Variants in LRIG1 observed in about 807,000 individuals in gnomAD.
LRIG1 encodes leucine rich repeats and immunoglobulin like domains 1.
A neutral mutation model predicts 99.2 loss-of-function variants in LRIG1; 48 were observed. That is an observed-to-expected ratio of 0.48 (90% CI 0.38 to 0.62). The LOEUF is 0.62. Ranked by LOEUF, LRIG1 falls within the 20% of genes least tolerant of loss-of-function variation. LRIG1 has a pLI of 0.00. For synonymous variants in LRIG1, 772 were observed against 596.1 expected, an observed-to-expected ratio of 1.29 and a Z score of -4.30; for missense variants, 1,646 against 1,434.4, an observed-to-expected ratio of 1.15 and a Z score of -2.38.
chr3:66,382,497 C>T (rs565807239), intron 15 of LRIG1, 99 bp from the exon 16 acceptor site: 1,764 of 1,357,396 alleles, frequency 1.3e-3, no homozygotes, highest in Non-Finnish European at 1.7e-3. Context: ...CTCCCAGTGA[C>T]GACCATCAGC....
At chr3:66,434,723 A>G (rs1181802129) in intron 3 of LRIG1, among the ~76,000 whole-genome samples, 2 of 150,222 alleles carry the variant, frequency 1.3e-5, no homozygotes, top group Non-Finnish European at 3.0e-5. Flanking sequence ...CTCCAGCCTG[A>G]GCAACAGAGC....
At chr3:66,475,238 T>C (rs1700694240) in intron 1 of LRIG1, among the ~76,000 whole-genome samples, 1 of 152,206 alleles carries the variant, frequency 6.6e-6, no homozygotes, top group South Asian at 2.1e-4. Flanking sequence ...CTGTCCTAAA[T>C]CAAGTGACTC....
chr3:66,459,870 G>A (rs956573489), intron 2 of LRIG1, among the ~76,000 whole-genome samples: 1 of 152,136 alleles, frequency 6.6e-6, no homozygotes, highest in African/African-American at 2.4e-5. Flanking sequence ...TTTAAATCAA[G>A]ACAAAATCAG....
intron 3 of LRIG1, among the ~76,000 whole-genome samples, chr3:66,427,878 A>G (rs1483699610): frequency 6.6e-6 from 1 of 152,138 alleles, no homozygotes; most frequent in Non-Finnish European, 1.5e-5. Context: ...ACAGACACAA[A>G]ACTGTTCTGT....
chr3:66,397,782 G>A (rs813030), intron 11 of LRIG1, among the ~76,000 whole-genome samples: 140,887 of 152,300 alleles, frequency 0.93, 65,295 homozygotes, highest in East Asian at 0.99. Context: ...TGACATAATT[G>A]AAGGGGTGAT....
chr3:66,405,052 A>G (rs2106641204), intron 9 of LRIG1, 146 bp downstream of exon 9: 1 of 681,632 alleles, frequency 1.5e-6, no homozygotes. Context: ...TTCTCCACAA[A>G]CAAAACAAGC....
rs149134750 is a variant in LRIG1 at position 66,442,684 on chromosome 3, A to G, written c.365+8875T>C. On this transcript the variant is annotated intron_variant, in intron 3 of 18. Transcript: ENST00000273261. ...ACATTGGGGAGCAACCCGGGTCCCC[A>G]GTGGATCTTGGGCTATATTTAAAGC... Among the ~76,000 whole-genome samples the G allele has an allele frequency of 8.1e-4, 124 of 152,182 alleles. No homozygotes were observed. The East Asian group carries it at 0.017, about 21-fold the overall frequency.
Position 66,405,289 on chromosome 3 carries a change from G to A in LRIG1, c.1080-11C>T, listed in dbSNP as rs965635218. 2 of 1,609,700 alleles carry A rather than the reference G, an allele frequency of 1.2e-6. No individual in the cohort carries two copies. Among genetic ancestry groups the A allele is most frequent in the Non-Finnish European group, 8.5e-7 (1 of 1,176,100 alleles). On this transcript the variant is annotated splice_polypyrimidine_tract_variant and intron_variant, in intron 8 of 18. Transcript: ENST00000273261. ...TTATGGTCCAGATCCCTGGGGAGAG[G>A]ACAGAAAGCAGCTCACCGAGCAGTC...
chr3:66,493,436 C>A (rs1044158402), intron 1 of LRIG1, among the ~76,000 whole-genome samples: 21 of 152,204 alleles, frequency 1.4e-4, no homozygotes, highest in Non-Finnish European at 2.8e-4. Flanking sequence ...TTCATAGCTT[C>A]CTGCCTGTTT....
chr3:66,388,015 G>A (rs1328712225), intron 12 of LRIG1: 1 of 148,296 alleles, frequency 6.7e-6, no homozygotes, highest in Non-Finnish European at 1.5e-5. Context: ...GCCGAGGCAG[G>A]AGAATGGCAT....
intron 1 of LRIG1, among the ~76,000 whole-genome samples, chr3:66,492,839 C>T (rs184355152): frequency 5.3e-5 from 8 of 152,206 alleles, no homozygotes; most frequent in Non-Finnish European, 1.0e-4. Flanking sequence ...CAATCGTGGC[C>T]GTTCACGTGG....
chr3:66,473,790 T>C (rs539663531), intron 1 of LRIG1, among the ~76,000 whole-genome samples: 239 of 152,356 alleles, frequency 1.6e-3, no homozygotes, highest in African/African-American at 5.6e-3. Flanking sequence ...AGGTCAGCCG[T>C]CTGGCCCACA....
At chr3:66,463,976 T>TA in intron 1 of LRIG1, among the ~76,000 whole-genome samples, 1 of 152,254 alleles carries the variant, frequency 6.6e-6, no homozygotes. Context: ...CTGAAGGTGG[T>TA]AATGCTTTAA....
intron 1 of LRIG1, among the ~76,000 whole-genome samples, chr3:66,487,543 A>G (rs915643671): frequency 6.6e-6 from 1 of 152,216 alleles, no homozygotes; most frequent in Non-Finnish European, 1.5e-5. Context: ...TAGGTACATG[A>G]AATTGAATGA....
intron 1 of LRIG1, among the ~76,000 whole-genome samples, chr3:66,467,549 G>A (rs1032075205): frequency 1.7e-4 from 26 of 151,854 alleles, no homozygotes; most frequent in African/African-American, 6.3e-4. Context: ...TTTAAGTAGA[G>A]ACAGGGTTTC....
intron 4 of LRIG1, among the ~76,000 whole-genome samples, 160 bp downstream of exon 4, chr3:66,416,969 C>T (rs1040883179): frequency 7.9e-5 from 12 of 152,182 alleles, no homozygotes; most frequent in Non-Finnish European, 1.5e-4. Flanking sequence ...TCGCCCCTGC[C>T]CTGCTCAGGG....
In LRIG1 at chr3:66,410,239, G is replaced by GTT; in HGVS notation, c.823_824dup (p.Asn275LysfsTer46). Reference sequence around the variant, plus strand: ...CCGTGAGGCCGTAGAGCGAGCCGCTGTTCACTTCTACCAGGCTGTTGTACT... The same window carrying GTT: ...CCGTGAGGCCGTAGAGCGAGCCGCTGTTTTCACTTCTACCAGGCTGTTGTACT... On this transcript the variant is annotated frameshift_variant, in exon 7 of 19. Transcript: ENST00000273261. LOFTEE classifies it high-confidence loss of function. The GTT allele has an allele frequency of 6.2e-7, 1 of 1,613,278 alleles. No homozygotes were observed. The highest frequency in any genetic ancestry group is 8.5e-7 in the Non-Finnish European group (1 of 1,179,574).
At chr3:66,452,899 C>A (rs1703952748) in intron 2 of LRIG1, among the ~76,000 whole-genome samples, 1 of 152,204 alleles carries the variant, frequency 6.6e-6, no homozygotes, top group Non-Finnish European at 1.5e-5. Flanking sequence ...AGAGAGAAGG[C>A]AGATCCGTAT....
At chr3:66,462,731 G>A (rs574109124) in intron 1 of LRIG1, among the ~76,000 whole-genome samples, 190 of 151,950 alleles carry the variant, frequency 1.3e-3, no homozygotes, top group Admixed American at 2.1e-3. Context: ...AAACCCAAAC[G>A]AATTTCTATC....
Sources: gnomAD v4.1 joint callset for allele counts (sites outside exome capture counted in the v4.1 genomes callset) on GRCh38, gnomAD v4.1.1 for gene constraint, MANE v1.5 for transcripts, NCBI Gene and HGNC (gene_info 2026-07-23, HGNC 2026-07-21) for gene names.